The following ALDH1A2 variants were observed in gnomAD, a reference collection of about 807,000 sequenced individuals.
ALDH1A2 encodes retinal dehydrogenase 2.
ALDH1A2 carries 27 observed loss-of-function variants against 60.3 expected under a neutral mutation model. The observed-to-expected ratio is 0.45, with a 90% CI of 0.33 to 0.62. The LOEUF is 0.62. ALDH1A2 is among the 20% of genes least tolerant of loss of function. The pLI is 0.02. For missense variants in ALDH1A2, 581 were observed against 643.8 expected, an observed-to-expected ratio of 0.90 and a Z score of 1.06; for synonymous variants, 289 against 232.4, an observed-to-expected ratio of 1.24 and a Z score of -2.21.
intron 11 of ALDH1A2, 111 bp from the exon 12 acceptor site, chr15:57,960,955 G>A (rs1893697334): frequency 1.5e-6 from 2 of 1,347,342 alleles, no homozygotes; most frequent in Non-Finnish European, 2.1e-6. Flanking sequence ...TCCTCCAGAG[G>A]AAAAAATTGT....
intron 6 of ALDH1A2, 33 bp downstream of exon 6, chr15:57,992,912 G>C: frequency 6.2e-7 from 1 of 1,614,102 alleles, no homozygotes; most frequent in South Asian, 1.1e-5. Context: ...TGTAAGGGGA[G>C]TCAGAAGCAC....
intron 12 of ALDH1A2, 41 bp downstream of exon 12, chr15:57,960,729 C>T (rs1191004132): frequency 6.5e-7 from 1 of 1,532,496 alleles, no homozygotes; most frequent in African/African-American, 1.4e-5. Flanking sequence ...CTGATATTTG[C>T]AATCTATTTC....
intron 1 of ALDH1A2, among the ~76,000 whole-genome samples, chr15:58,025,079 A>G (rs1595674381): frequency 6.6e-6 from 1 of 152,164 alleles, no homozygotes; most frequent in Non-Finnish European, 1.5e-5. Flanking sequence ...ATCTAAAAAA[A>G]GTAGAAAGAT....
rs180731907 is a variant in ALDH1A2, at chr15:58,044,914, A to G, written c.117+20620T>C. Among the ~76,000 whole-genome samples, 4 of 152,056 alleles carry G rather than the reference A, an allele frequency of 2.6e-5. No homozygotes were observed. The East Asian group carries it at 7.8e-4, about 30-fold the overall frequency. On this transcript the variant is annotated intron_variant, in intron 1 of 12. Coordinates refer to ENST00000249750, the MANE Select transcript of ALDH1A2 (RefSeq NM_003888.4). ...GGCAACAAAGTGAGTCCTTTTTCATATGTTCCCTTCTCTGTAGAATCTCGG... is the reference window on the plus strand; with the variant it reads ...GGCAACAAAGTGAGTCCTTTTTCATGTGTTCCCTTCTCTGTAGAATCTCGG...
chr15:58,018,633 A>G (rs1466064040), intron 1 of ALDH1A2, among the ~76,000 whole-genome samples: 3 of 152,178 alleles, frequency 2.0e-5, no homozygotes, highest in African/African-American at 7.2e-5. Flanking sequence ...ACCTTAATCA[A>G]ATGATTAAAG....
chr15:57,989,038 C>A (rs1365521989), intron 7 of ALDH1A2, among the ~76,000 whole-genome samples: 1 of 152,174 alleles, frequency 6.6e-6, no homozygotes, highest in Admixed American at 6.5e-5. Context: ...CATGGTGGTG[C>A]GTGCCTGTAG....
chr15:58,000,616 C>G (rs1318855644), intron 4 of ALDH1A2, among the ~76,000 whole-genome samples: 1 of 151,774 alleles, frequency 6.6e-6, no homozygotes, highest in African/African-American at 2.4e-5. Flanking sequence ...TTCTTCAAAC[C>G]AAGGAATTAA....
chr15:58,046,178 G>A (rs143351842), intron 1 of ALDH1A2, among the ~76,000 whole-genome samples: 111 of 152,160 alleles, frequency 7.3e-4, no homozygotes, highest in African/African-American at 2.6e-3. Flanking sequence ...CTCCAAGGAA[G>A]GTAGTCTGAC....
At chr15:57,993,563 T>G (rs1286129958) in intron 5 of ALDH1A2, among the ~76,000 whole-genome samples, 1 of 152,190 alleles carries the variant, frequency 6.6e-6, no homozygotes, top group South Asian at 2.1e-4. Flanking sequence ...ATACATGCAT[T>G]GTCACAAACA....
At position 57,954,915 on chromosome 15, in the gene ALDH1A2, T is replaced by G; in HGVS notation, c.*282A>C. The stretch of plus-strand genomic sequence containing the variant: ...ACAGCTCCCTTATTTCATCCTGTGC[T>G]CCAGAAGGAGATACTGGATGTGTCT... On this transcript the variant is annotated 3_prime_UTR_variant, in exon 13 of 13. Coordinates refer to ENST00000249750, the MANE Select transcript of ALDH1A2 (RefSeq NM_003888.4). The G allele has an allele frequency of 3.8e-6, 2 of 519,890 alleles. No homozygotes were observed. Among genetic ancestry groups the G allele is most frequent in the South Asian group, 4.3e-5 (2 of 46,472 alleles). 32.2% of individuals were successfully genotyped at this position (519,890 alleles called of 1,614,324 possible).
chr15:57,998,996 A>G (rs1452157474), intron 4 of ALDH1A2, among the ~76,000 whole-genome samples: 1 of 152,156 alleles, frequency 6.6e-6, no homozygotes, highest in East Asian at 1.9e-4. Flanking sequence ...CTAGCTAGCA[A>G]TATGCAGAAA....
intron 4 of ALDH1A2, among the ~76,000 whole-genome samples, chr15:58,003,706 T>G (rs1398207485): frequency 6.6e-6 from 1 of 151,880 alleles, no homozygotes; most frequent in Non-Finnish European, 1.5e-5. Flanking sequence ...AAAGAGGTTG[T>G]AGACGTGAGA....
Position 58,035,396 on chromosome 15 carries a change from C to A in ALDH1A2, c.118-21115G>T, listed in dbSNP as rs1595681167. ...ATTTTATTAATTTTTTTCAAAGAAC[C>A]AGTCTACAGTTTTATTGTCTTTATT... On this transcript the variant is annotated intron_variant, in intron 1 of 12. Transcript: ENST00000249750. 2.0e-5 allele frequency among the ~76,000 whole-genome samples: 3 copies of A among 151,488 alleles called. No individual in the cohort carries two copies. The South Asian group carries it at 6.2e-4, about 31-fold the overall frequency.
At chr15:58,046,797 T>C (rs1190569048) in intron 1 of ALDH1A2, among the ~76,000 whole-genome samples, 7 of 152,174 alleles carry the variant, frequency 4.6e-5, no homozygotes, top group African/African-American at 1.7e-4. Context: ...TTAACAGCAC[T>C]TAAAATGCAG....
chr15:57,995,072 A>G lies in ALDH1A2; in HGVS notation c.555+6T>C, dbSNP rs1895005742. On this transcript the variant is annotated splice_donor_region_variant and intron_variant, in intron 5 of 12. Transcript: ENST00000249750. ...ATAAATACGAGGTGCGAGGAAATAC[A>G]CTCACTGGGATGATCTGTCCACACA... 6.2e-7 allele frequency: 1 copy of G among 1,608,790 alleles called. No individual in the cohort carries two copies. Among genetic ancestry groups the G allele is most frequent in the Non-Finnish European group, 8.5e-7 (1 of 1,175,480 alleles).
intron 1 of ALDH1A2, among the ~76,000 whole-genome samples, chr15:58,046,431 G>C (rs1896642106): frequency 6.6e-6 from 1 of 151,976 alleles, no homozygotes; most frequent in Admixed American, 6.6e-5. Flanking sequence ...GTAAAACAAA[G>C]TAAAGAAAAA....
chr15:57,955,321 T>C (rs780067422), intron 12 of ALDH1A2, 52 bp from the exon 13 acceptor site: 5 of 1,580,456 alleles, frequency 3.2e-6, no homozygotes, highest in South Asian at 2.2e-5. Context: ...GGGAGCTGCA[T>C]GTGAGTGCAG....
chr15:57,989,098 G>A (rs961228120), intron 7 of ALDH1A2, among the ~76,000 whole-genome samples: 6 of 152,290 alleles, frequency 3.9e-5, no homozygotes, highest in African/African-American at 7.2e-5. Context: ...TCAGGGAGCC[G>A]AGATCACGCC....
intron 12 of ALDH1A2, among the ~76,000 whole-genome samples, chr15:57,960,427 A>G (rs1893681664): frequency 6.6e-6 from 1 of 152,210 alleles, no homozygotes; most frequent in Non-Finnish European, 1.5e-5. Flanking sequence ...TACTTCCAGG[A>G]AAAACGGTTA....
Sources: allele counts gnomAD v4.1 joint callset (sites outside exome capture counted in the v4.1 genomes callset), GRCh38; gene constraint gnomAD v4.1.1; transcripts MANE v1.5; gene names NCBI Gene and HGNC (gene_info 2026-07-23, HGNC 2026-07-21).